Variants in FAM227B observed in about 807,000 individuals in gnomAD.
FAM227B encodes the protein protein FAM227B.
In FAM227B, 88 loss-of-function variants were observed where a neutral mutation model predicts 73.8. That is an observed-to-expected ratio of 1.19 (90% CI 1.00 to 1.42). The LOEUF (loss-of-function observed/expected upper bound fraction) is 1.42, where lower values mean the gene tolerates loss of function less well. Among genes scored for constraint, FAM227B ranks in the 40% most tolerant of loss-of-function variants. The pLI, the probability that FAM227B is intolerant of heterozygous loss-of-function variation, is 0.00. For missense variants in FAM227B, 632 were observed against 590.9 expected (o/e 1.07, Z -0.72); for synonymous variants, 210 against 190.5 (o/e 1.10, Z -0.84).
At chr15:49,512,020 T>C (rs971395177) in intron 10 of FAM227B, among the ~76,000 whole-genome samples, 22 of 152,124 alleles carry the variant, frequency 1.4e-4, no homozygotes, top group Non-Finnish European at 2.6e-4. Context: ...GGGGCTCAGA[T>C]AGATGAGCAT....
At chr15:49,612,199 G>A (rs891202808) in intron 2 of FAM227B, among the ~76,000 whole-genome samples, 1 of 151,752 alleles carries the variant, frequency 6.6e-6, no homozygotes, top group Non-Finnish European at 1.5e-5. Flanking sequence ...CCATTAACTC[G>A]TCATTTAACA....
At chr15:49,345,217 G>T (rs1224398362) in intron 13 of FAM227B, among the ~76,000 whole-genome samples, 5 of 152,132 alleles carry the variant, frequency 3.3e-5, no homozygotes, top group Non-Finnish European at 4.4e-5. Flanking sequence ...TTGAAATCAA[G>T]AATTATGTTT....
intron 11 of FAM227B, among the ~76,000 whole-genome samples, chr15:49,495,349 C>T (rs1306349184): frequency 6.6e-6 from 1 of 152,160 alleles, no homozygotes; most frequent in Non-Finnish European, 1.5e-5. Context: ...TCATAATAAT[C>T]TGAATAGTTC....
intron 9 of FAM227B, among the ~76,000 whole-genome samples, chr15:49,561,550 A>G (rs1472032859): frequency 6.6e-6 from 1 of 152,118 alleles, no homozygotes; most frequent in Non-Finnish European, 1.5e-5. Context: ...CCACCCATCA[A>G]CTAGAAATGT....
chr15:49,529,898 A>AT (rs2060484290), intron 10 of FAM227B, among the ~76,000 whole-genome samples: 2 of 151,768 alleles, frequency 1.3e-5, no homozygotes, highest in South Asian at 4.1e-4. Flanking sequence ...TTCACTCAGC[A>AT]TAATTCTTTA....
intron 11 of FAM227B, among the ~76,000 whole-genome samples, chr15:49,479,132 G>A (rs559234857): frequency 6.6e-6 from 1 of 152,298 alleles, no homozygotes; most frequent in African/African-American, 2.4e-5. Context: ...GTGTAAGGGT[G>A]ACATCCTAAA....
chr15:49,396,143 C>T (rs576494962), intron 11 of FAM227B: 1 of 364,594 alleles, frequency 2.7e-6, no homozygotes, highest in Non-Finnish European at 5.4e-6. Flanking sequence ...GTGTGCTCAC[C>T]GTGTGCGAGC....
At chr15:49,542,940 G>A (rs111396529) in intron 9 of FAM227B, among the ~76,000 whole-genome samples, 49,702 of 151,510 alleles carry the variant, frequency 0.33, 8,926 homozygotes, top group African/African-American at 0.46. Flanking sequence ...TCATATTTTT[G>A]CAATTGCAAA....
chr15:49,539,124 T>C (rs1367406991), intron 10 of FAM227B, among the ~76,000 whole-genome samples: 2 of 152,106 alleles, frequency 1.3e-5, no homozygotes, highest in African/African-American at 4.8e-5. Context: ...TGTGAAGGCA[T>C]TGACTAGGTG....
At chr15:49,539,641 G>A (rs1403918921) in intron 10 of FAM227B, among the ~76,000 whole-genome samples, 2 of 152,206 alleles carry the variant, frequency 1.3e-5, no homozygotes, top group African/African-American at 4.8e-5. Flanking sequence ...AGGAATCTGA[G>A]GTGGTGTTGC....
At chr15:49,489,875 T>TAG (rs71120686) in intron 11 of FAM227B, among the ~76,000 whole-genome samples, 1 of 17,146 alleles carries the variant, frequency 5.8e-5, no homozygotes, top group Non-Finnish European at 1.4e-4. Flanking sequence ...TATATATATA[T>TAG]ATATATATAG....
chr15:49,605,376 C>G (rs2077451321), intron 3 of FAM227B, among the ~76,000 whole-genome samples: 1 of 152,182 alleles, frequency 6.6e-6, no homozygotes, highest in Non-Finnish European at 1.5e-5. Flanking sequence ...CTTGGGTCCA[C>G]CGGAGTGGTC....
chr15:49,486,385 T>C (rs1442872411), intron 11 of FAM227B: 2 of 151,974 alleles, frequency 1.3e-5, no homozygotes, highest in Non-Finnish European at 1.5e-5. Flanking sequence ...TAGCTAGGTT[T>C]TGAGGTCAGG....
At position 49,328,652 on chromosome 15, in the gene FAM227B, T is replaced by C; in HGVS notation, c.1443A>G (p.Arg481=). 1.3e-6 allele frequency: 2 copies of C among 1,570,688 alleles called. No homozygotes were observed. Among genetic ancestry groups the C allele is most frequent in the East Asian group, 2.3e-5 (1 of 43,496 alleles). ...HKLRSEAEIE[R]ECVASLSSSS... ...ATGACGATAGTGATGCCACACATTC[T>C]CTCTCAATTTCAGCTTCGGAACGCT... The change falls in exon 16 of 16, where the codon AGA becomes AGG. Residue 481 remains arginine (R), a synonymous_variant. Transcript: ENST00000299338.
At chr15:49,435,145 AT>A (rs1412461919) in intron 11 of FAM227B, among the ~76,000 whole-genome samples, 2 of 151,724 alleles carry the variant, frequency 1.3e-5, no homozygotes, top group East Asian at 3.9e-4. Flanking sequence ...TGTGAAAAAA[AT>A]GAATGAAATA....
In FAM227B at chr15:49,587,778, T is replaced by C. The variant is rs557302964; in HGVS notation, c.405+238A>G. Among the ~76,000 whole-genome samples, 3 of 152,194 alleles carry C rather than the reference T, an allele frequency of 2.0e-5. No homozygotes were observed. In the South Asian group the frequency reaches 6.2e-4, roughly 32 times the overall value. The stretch of plus-strand genomic sequence containing the variant: ...ATTAAATAACCAAAAAATGTAATAG[T>C]ATACCTTGAAATAAGTCTTCAAATA... On this transcript the variant is annotated intron_variant, in intron 5 of 15. Transcript: ENST00000299338.
At chr15:49,504,621 G>C (rs78624110) in intron 11 of FAM227B, among the ~76,000 whole-genome samples, 4,310 of 151,940 alleles carry the variant, frequency 0.028, 96 homozygotes, top group Middle Eastern at 0.051. Flanking sequence ...AAAAAAGTGT[G>C]TGGCACCTCC....
At chr15:49,510,255 G>A (rs1408512164) in intron 10 of FAM227B, among the ~76,000 whole-genome samples, 1 of 152,028 alleles carries the variant, frequency 6.6e-6, no homozygotes, top group Non-Finnish European at 1.5e-5. Context: ...GTGAATATCA[G>A]CATTTACATT....
intron 12 of FAM227B, among the ~76,000 whole-genome samples, chr15:49,370,509 T>TA (rs979725842): frequency 6.6e-6 from 1 of 152,232 alleles, no homozygotes; most frequent in African/African-American, 2.4e-5. Context: ...AAACCATCCT[T>TA]AGCCTCACTG....
Sources: allele counts gnomAD v4.1 joint callset (sites outside exome capture counted in the v4.1 genomes callset), GRCh38; gene constraint gnomAD v4.1.1; transcripts MANE v1.5; gene names NCBI Gene and HGNC (gene_info 2026-07-23, HGNC 2026-07-21).